Variants in RBM43 observed in about 807,000 individuals in gnomAD.
RBM43 encodes RNA-binding protein 43.
Under a neutral mutation model 12.4 loss-of-function variants are expected in RBM43, and 12 were observed. That is an observed-to-expected ratio of 0.97 (90% confidence interval 0.62 to 1.57). The LOEUF is 1.57. Among genes scored for constraint, RBM43 ranks in the 40% most tolerant of loss-of-function variants. The pLI is 0.00. For synonymous variants in RBM43, 138 were observed against 145.7 expected (o/e 0.95, Z 0.38); for missense variants, 348 against 400.1 (o/e 0.87, Z 1.11).
At chr2:151,259,682 C>CA (rs1250544163) in intron 1 of RBM43, among the ~76,000 whole-genome samples, 3 of 151,368 alleles carry the variant, frequency 2.0e-5, no homozygotes, top group African/African-American at 7.3e-5. Flanking sequence ...AATATGGTTA[C>CA]AAAAAAACAG....
At chr2:151,253,110 T>G (rs1325492772) in intron 2 of RBM43, among the ~76,000 whole-genome samples, 1 of 152,130 alleles carries the variant, frequency 6.6e-6, no homozygotes, top group African/African-American at 2.4e-5. Flanking sequence ...AATGTAAAGG[T>G]ATATCCCCAT....
intron 1 of RBM43, chr2:151,260,976 T>C (rs543742436): frequency 5.5e-6 from 2 of 362,076 alleles, no homozygotes; most frequent in East Asian, 6.3e-5. Flanking sequence ...AGAAGATTCA[T>C]TGACTGCATT....
At chr2:151,261,680 C>G (rs1281722768) in intron 1 of RBM43, 45 bp downstream of exon 1, 1 of 1,584,002 alleles carries the variant, frequency 6.3e-7, no homozygotes, top group African/African-American at 1.3e-5. Context: ...GGCGACGGTA[C>G]AGGCACGGAC....
chr2:151,251,334 T>C lies in RBM43; in HGVS notation c.646A>G (p.Ser216Gly). The stretch of plus-strand genomic sequence containing the variant: ...GTGTCAAGCACAAGCATTTCTCCAC[T>C]TCTAGCAGTCTCAGGTACTAAGGTC... Reference protein sequence around the residue: ...VRTLVPETARSGEMLVLDTDV... With the variant: ...VRTLVPETARGGEMLVLDTDV... Residue 216 changes from serine to glycine, a missense_variant, in exon 4 of 4, where the codon AGT becomes GGT. By Grantham distance (56) the Ser-to-Gly change is moderately conservative (BLOSUM62 0). Transcript: ENST00000331426. The C allele has an allele frequency of 5.6e-6, 9 of 1,614,136 alleles. No individual in the cohort carries two copies. Among genetic ancestry groups the C allele is most frequent in the Non-Finnish European group, 7.6e-6 (9 of 1,179,974 alleles).
Position 151,261,830 on chromosome 2 carries a change from T to C in RBM43, c.-103A>G. ...GCAGGCAGGTTTTGGTTTCGTTTTT[T>C]GTTCCAGCTCCCTTGGAGGCTACGA... is the stretch of plus-strand genomic sequence containing the variant. On this transcript the variant is annotated 5_prime_UTR_variant, in exon 1 of 4. Coordinates refer to ENST00000331426, the MANE Select transcript of RBM43 (RefSeq NM_198557.3). 1 of 1,390,346 alleles carries C rather than the reference T, an allele frequency of 7.2e-7. No individual in the cohort carries two copies. Among genetic ancestry groups the C allele is most frequent in the East Asian group, 2.5e-5 (1 of 40,438 alleles). The allele number at this position is 1,390,346 out of a possible 1,614,324, so 86.1% of individuals were successfully genotyped here.
chr2:151,255,523 T>A lies in RBM43; in HGVS notation c.214+10A>T. On this transcript the variant is annotated intron_variant, in intron 2 of 3. Coordinates refer to ENST00000331426, the MANE Select transcript of RBM43 (RefSeq NM_198557.3). Reference sequence around the variant, plus strand: ...ATTTCTAAAATTACAAAAATTTGACTTGGAAATACCTTTTTTTTCTTTGAA... The same window carrying A: ...ATTTCTAAAATTACAAAAATTTGACATGGAAATACCTTTTTTTTCTTTGAA... 3 of 1,569,470 alleles carry A rather than the reference T, an allele frequency of 1.9e-6. No homozygotes were observed. Among genetic ancestry groups the A allele is most frequent in the Non-Finnish European group, 2.6e-6 (3 of 1,152,200 alleles).
chr2:151,251,098 C>G lies in RBM43; in HGVS notation c.882G>C (p.Glu294Asp). ...SHALYLKLRK[E>D]TFILEGKENR... ...TTTCCTTTCCTTCCAAAATAAATGT[C>G]TCTTTTCTAAGCTTTAAGTAAAGAG... Residue 294 changes from glutamate to aspartate, a missense_variant, in exon 4 of 4, where the codon GAG becomes GAC. Coordinates refer to ENST00000331426, the MANE Select transcript of RBM43 (RefSeq NM_198557.3). 1 of 1,613,674 alleles carries G rather than the reference C, an allele frequency of 6.2e-7. No individual in the cohort carries two copies. The highest frequency in any genetic ancestry group is 8.5e-7 in the Non-Finnish European group (1 of 1,179,794).
At position 151,251,332 on chromosome 2, in the gene RBM43, A is replaced by C. The variant is rs750786973; in HGVS notation, c.648T>G (p.Ser216Arg). 1.9e-6 allele frequency: 3 copies of C among 1,613,974 alleles called. No individual in the cohort carries two copies. Among genetic ancestry groups the C allele is most frequent in the Non-Finnish European group, 2.5e-6 (3 of 1,179,964 alleles). The change falls in exon 4 of 4, where the codon AGT (serine) becomes AGG (arginine). Residue 216 changes from serine (S) to arginine (R), a missense_variant. Transcript: ENST00000331426. ...VRTLVPETAR[S>R]GEMLVLDTDV... is the part of the protein sequence containing the mutation. ...CTGTGTCAAGCACAAGCATTTCTCCACTTCTAGCAGTCTCAGGTACTAAGG... is the reference window on the plus strand; with the variant it reads ...CTGTGTCAAGCACAAGCATTTCTCCCCTTCTAGCAGTCTCAGGTACTAAGG...
rs567154165 is a variant in RBM43, at chr2:151,261,575, C to T, written c.3+150G>A. ...GGGGTGGACGGCTCTCCGGGGCCCC[C>T]GGGGTCCCTGGGGCCCCTCCGTGCG... On this transcript the variant is annotated intron_variant, in intron 1 of 3. Transcript: ENST00000331426. The T allele has an allele frequency of 7.7e-3, 11,814 of 1,539,844 alleles. 73 individuals are homozygous for T. Among genetic ancestry groups the T allele is most frequent in the South Asian group, 8.6e-3 (721 of 83,606 alleles).
chr2:151,259,850 T>C (rs1683024278), intron 1 of RBM43, among the ~76,000 whole-genome samples: 1 of 150,110 alleles, frequency 6.7e-6, no homozygotes, highest in Non-Finnish European at 1.5e-5. Flanking sequence ...GGAGATCTTT[T>C]TCTTTTCTTG....
chr2:151,259,365 G>C (rs1683017289), intron 1 of RBM43, among the ~76,000 whole-genome samples: 1 of 152,096 alleles, frequency 6.6e-6, no homozygotes, highest in Admixed American at 6.5e-5. Flanking sequence ...CTTAAAAAAG[G>C]CCAGGTGCAG....
Position 151,255,752 on chromosome 2 carries a change from G to A in RBM43, c.4-9C>T, listed in dbSNP as rs1682964679. ...ACATTCAAAACTGATGCCTGTAAGA[G>A]AAACAGCAGGTTATTCTTTAAAAAC... On this transcript the variant is annotated splice_polypyrimidine_tract_variant and intron_variant, in intron 1 of 3. Transcript: ENST00000331426. 6.3e-7 allele frequency: 1 copy of A among 1,581,398 alleles called. No homozygotes were observed. Among genetic ancestry groups the A allele is most frequent in the African/African-American group, 1.3e-5 (1 of 74,286 alleles).
At chr2:151,259,883 T>A (rs1683025096) in intron 1 of RBM43, among the ~76,000 whole-genome samples, 1 of 151,304 alleles carries the variant, frequency 6.6e-6, no homozygotes, top group East Asian at 1.9e-4. Flanking sequence ...TTGTTTGTTT[T>A]GAGATGGAGT....
At position 151,251,538 on chromosome 2, in the gene RBM43, C is replaced by T. The variant is rs1682904259; in HGVS notation, c.442G>A (p.Gly148Arg). 1.2e-6 allele frequency: 2 copies of T among 1,614,052 alleles called. No homozygotes were observed. Among genetic ancestry groups the T allele is most frequent in the Non-Finnish European group, 1.7e-6 (2 of 1,180,032 alleles). The change falls in exon 4 of 4, where the codon GGA (glycine) becomes AGA (arginine). Residue 148 changes from glycine to arginine, a missense_variant. Transcript: ENST00000331426. ...AATGATCCTTCCACGGAGATTCTTCCATTGGGTTTCAAAGGACTGAAGCTT... is the reference window on the plus strand; with the variant it reads ...AATGATCCTTCCACGGAGATTCTTCTATTGGGTTTCAAAGGACTGAAGCTT... ...SLSFSPLKPN[G>R]RISVEGSFLA...
At chr2:151,259,924 G>T (rs570074617) in intron 1 of RBM43, among the ~76,000 whole-genome samples, 1 of 151,902 alleles carries the variant, frequency 6.6e-6, no homozygotes, top group East Asian at 2.0e-4. Context: ...GGAGTGCAGT[G>T]GCGCGATCTT....
At position 151,250,817 on chromosome 2, in the gene RBM43, A is replaced by C. The variant is rs1682889211; in HGVS notation, c.*89T>G. ...AAGGATGACTATAAGGATTCATGAG[A>C]TACGGTGTGTAAAGCTAGCCTCATT... On this transcript the variant is annotated 3_prime_UTR_variant, in exon 4 of 4. Coordinates refer to ENST00000331426, the MANE Select transcript of RBM43 (RefSeq NM_198557.3). The C allele has an allele frequency of 1.1e-6, 1 of 873,182 alleles. No individual in the cohort carries two copies. The highest frequency in any genetic ancestry group is 1.8e-6 in the Non-Finnish European group (1 of 557,000). The allele number at this position is 873,182 out of a possible 1,614,324, so 54.1% of individuals were successfully genotyped here.
At chr2:151,255,455 A>T in intron 2 of RBM43, 78 bp downstream of exon 2, 1 of 1,008,850 alleles carries the variant, frequency 9.9e-7, no homozygotes, top group Non-Finnish European at 1.5e-6. Flanking sequence ...AATTCCGTGG[A>T]TCATTTTAAT....
At position 151,250,771 on chromosome 2, in the gene RBM43, G is replaced by A. The variant is rs986496387; in HGVS notation, c.*135C>T. 2 of 648,118 alleles carry A rather than the reference G, an allele frequency of 3.1e-6. No individual in the cohort carries two copies. The highest frequency in any genetic ancestry group is 5.2e-6 in the Non-Finnish European group (2 of 382,168). 40.1% of individuals were successfully genotyped at this position (648,118 alleles called of 1,614,324 possible). On this transcript the variant is annotated 3_prime_UTR_variant, in exon 4 of 4. Coordinates refer to ENST00000331426, the MANE Select transcript of RBM43 (RefSeq NM_198557.3). Reference sequence around the variant, plus strand: ...CCTAGTTTCTTCCGCTGTAACATGAGGATAGTCAACACTGACAAAGAAGGA... The same window carrying A: ...CCTAGTTTCTTCCGCTGTAACATGAAGATAGTCAACACTGACAAAGAAGGA...
chr2:151,261,312 A>C (rs761646991), intron 1 of RBM43: 3 of 1,550,594 alleles, frequency 1.9e-6, no homozygotes, highest in Non-Finnish European at 2.6e-6. Context: ...CTGGCTAATC[A>C]GGCCACTTTT....
Sources: allele counts gnomAD v4.1 joint callset (sites outside exome capture counted in the v4.1 genomes callset), GRCh38; gene constraint gnomAD v4.1.1; transcripts MANE v1.5; gene names NCBI Gene and HGNC (gene_info 2026-07-23, HGNC 2026-07-21).